Variants in RAB38 observed in about 807,000 individuals in gnomAD.
RAB38 encodes RAB38, member RAS oncogene family.
Under a neutral mutation model 18.4 loss-of-function variants are expected in RAB38, and 15 were observed. The observed-to-expected ratio is 0.82, with a 90% confidence interval of 0.55 to 1.26. RAB38 has a LOEUF of 1.26. Among genes scored for constraint, RAB38 ranks in the 50% most tolerant of loss-of-function variants. The pLI, the probability that RAB38 is intolerant of heterozygous loss-of-function variation, is 0.00. For synonymous variants in RAB38, 101 were observed against 104.4 expected, an observed-to-expected ratio of 0.97 and a Z score of 0.20; for missense variants, 294 against 267.4, an observed-to-expected ratio of 1.10 and a Z score of -0.69.
chr11:88,107,620 C>T, the RAB38 span, among the ~76,000 whole-genome samples: 11,218 of 151,400 alleles, frequency 0.074, 713 homozygotes, highest in African/African-American at 0.17. Context: ...CTATCTCCTT[C>T]GGTTCTGCTC....
intron 2 of RAB38, among the ~76,000 whole-genome samples, chr11:88,148,957 A>G (rs926813103): frequency 6.6e-6 from 1 of 152,138 alleles, no homozygotes; most frequent in African/African-American, 2.4e-5. Flanking sequence ...GATTTTTTAA[A>G]TACAGGCAAA....
the RAB38 span, among the ~76,000 whole-genome samples, chr11:88,103,616 A>G: frequency 0.7 from 106,420 of 151,974 alleles, 38,173 homozygotes; most frequent in African/African-American, 0.87. Context: ...CCTTTATTAT[A>G]CTAAGCCATT....
At chr11:88,021,490 T>C in the RAB38 span, among the ~76,000 whole-genome samples, 1 of 152,050 alleles carries the variant, frequency 6.6e-6, no homozygotes, top group Non-Finnish European at 1.5e-5. Flanking sequence ...GCTTCACTGC[T>C]GAATTTTACA....
the RAB38 span, among the ~76,000 whole-genome samples, chr11:87,902,894 CAT>C: frequency 1.3e-5 from 2 of 149,962 alleles, no homozygotes; most frequent in Non-Finnish European, 3.0e-5. Flanking sequence ...CATATATATG[CAT>C]ATATATATAA....
the RAB38 span, among the ~76,000 whole-genome samples, chr11:87,890,433 G>A: frequency 6.6e-6 from 1 of 151,758 alleles, no homozygotes; most frequent in Non-Finnish European, 1.5e-5. Context: ...CCCATACCAA[G>A]CCCTTGGTTC....
chr11:87,957,188 A>C, the RAB38 span, among the ~76,000 whole-genome samples: 2 of 152,036 alleles, frequency 1.3e-5, no homozygotes, highest in Non-Finnish European at 2.9e-5. Context: ...CAGTTCCAAG[A>C]TTCATGTCAC....
chr11:87,932,541 T>C, the RAB38 span, among the ~76,000 whole-genome samples: 1 of 152,056 alleles, frequency 6.6e-6, no homozygotes, highest in African/African-American at 2.4e-5. Context: ...TCTTCTGAAC[T>C]TCCTTTAGTT....
At chr11:87,954,326 C>T in the RAB38 span, among the ~76,000 whole-genome samples, 1 of 152,238 alleles carries the variant, frequency 6.6e-6, no homozygotes, top group Admixed American at 6.5e-5. Context: ...TGAGACTCAT[C>T]ACATAATTCC....
the RAB38 span, among the ~76,000 whole-genome samples, chr11:87,925,409 G>A: frequency 3.3e-5 from 5 of 152,060 alleles, no homozygotes; most frequent in South Asian, 4.1e-4. Context: ...TAGGGTTAGG[G>A]TTAGGGTTAG....
the RAB38 span, among the ~76,000 whole-genome samples, chr11:87,823,895 T>TC: frequency 6.6e-6 from 1 of 152,122 alleles, no homozygotes; most frequent in African/African-American, 2.4e-5. Flanking sequence ...TTATATAATA[T>TC]CATAGAAAGC....
the RAB38 span, among the ~76,000 whole-genome samples, chr11:87,811,840 T>A: frequency 1.9e-4 from 29 of 152,314 alleles, 2 homozygotes; most frequent in South Asian, 6.0e-3. Flanking sequence ...TGTAAGAAAT[T>A]TCCTGGTGAT....
At chr11:87,865,986 T>G in the RAB38 span, among the ~76,000 whole-genome samples, 1 of 151,766 alleles carries the variant, frequency 6.6e-6, no homozygotes, top group African/African-American at 2.4e-5. Flanking sequence ...ATAAATTATT[T>G]GTTAGCCTTT....
At chr11:88,110,638 G>A (rs1237795337), downstream of RAB38, among the ~76,000 whole-genome samples, 1 of 151,900 alleles carries the variant, frequency 6.6e-6, no homozygotes, top group Non-Finnish European at 1.5e-5. Flanking sequence ...CCAATTTGTT[G>A]AAACCCCACC....
chr11:87,895,698 G>A, the RAB38 span, among the ~76,000 whole-genome samples: 1 of 151,458 alleles, frequency 6.6e-6, no homozygotes. Flanking sequence ...CTCTGCTTTG[G>A]GATATGTTTA....
chr11:87,883,948 ATTTTATG>A, the RAB38 span, among the ~76,000 whole-genome samples: 6 of 151,918 alleles, frequency 3.9e-5, no homozygotes, highest in Admixed American at 6.6e-5. Flanking sequence ...TAGGATAATA[ATTTTATG>A]TTGTTTTAAG....
chr11:88,037,983 A>C, the RAB38 span, among the ~76,000 whole-genome samples: 1 of 152,168 alleles, frequency 6.6e-6, no homozygotes, highest in African/African-American at 2.4e-5. Context: ...AAATTGTCTT[A>C]TAGTTATGTA....
At chr11:87,917,179 G>A in the RAB38 span, among the ~76,000 whole-genome samples, 33 of 152,176 alleles carry the variant, frequency 2.2e-4, no homozygotes, top group African/African-American at 7.9e-4. Context: ...TTCCATGGAG[G>A]GATGCTGAGA....
the RAB38 span, among the ~76,000 whole-genome samples, chr11:87,975,949 GAACA>G: frequency 1.1e-4 from 16 of 151,244 alleles, no homozygotes; most frequent in East Asian, 1.9e-4. Flanking sequence ...AATGTTACAA[GAACA>G]ATCAATCTCT....
the RAB38 span, among the ~76,000 whole-genome samples, chr11:87,809,884 A>G: frequency 6.6e-6 from 1 of 152,116 alleles, no homozygotes; most frequent in Non-Finnish European, 1.5e-5. Flanking sequence ...CCTAGAAAAG[A>G]TTGACATTAG....
Sources: allele counts gnomAD v4.1 joint callset (sites outside exome capture counted in the v4.1 genomes callset), GRCh38; gene constraint gnomAD v4.1.1; transcripts MANE v1.5; gene names NCBI Gene and HGNC (gene_info 2026-07-23, HGNC 2026-07-21).